Variants in LIN28B observed in about 807,000 individuals in gnomAD.
The protein encoded by LIN28B is protein lin-28 homolog B.
LIN28B carries 5 observed loss-of-function variants against 21.9 expected under a neutral mutation model. The ratio of observed to expected loss-of-function variants is 0.23; its 90% CI spans 0.12 to 0.48. The LOEUF (loss-of-function observed/expected upper bound fraction) is 0.48. Ranked by LOEUF, LIN28B falls within the 20% of genes least tolerant of loss-of-function variation. The pLI, the probability that LIN28B is intolerant of heterozygous loss-of-function variation, is 0.98. For missense variants in LIN28B, 245 were observed against 310.5 expected (o/e 0.79, Z 1.58); for synonymous variants, 109 against 111.3 (o/e 0.98, Z 0.13).
At chr6:104,980,479 A>G (rs978387306) in intron 2 of LIN28B, among the ~76,000 whole-genome samples, 4 of 152,128 alleles carry the variant, frequency 2.6e-5, no homozygotes, top group African/African-American at 9.7e-5. Flanking sequence ...CAACTTTATC[A>G]TCCCAGATTG....
intron 3 of LIN28B, among the ~76,000 whole-genome samples, chr6:105,054,280 T>C (rs1345232782): frequency 6.6e-6 from 1 of 152,238 alleles, no homozygotes; most frequent in African/African-American, 2.4e-5. Flanking sequence ...TTTGTATTTG[T>C]TTTCTGCCAT....
chr6:104,964,557 A>G (rs916307077), intron 2 of LIN28B, among the ~76,000 whole-genome samples: 10 of 151,980 alleles, frequency 6.6e-5, no homozygotes, highest in African/African-American at 2.4e-4. Context: ...CATAGTTACA[A>G]TAGATGGCAT....
chr6:105,037,207 G>T (rs1033894116), intron 3 of LIN28B, among the ~76,000 whole-genome samples: 1 of 151,686 alleles, frequency 6.6e-6, no homozygotes, highest in South Asian at 2.1e-4. Context: ...TTTGTTACTT[G>T]CACTGCTGAA....
chr6:105,023,793 G>C lies in LIN28B; in HGVS notation c.199-2505G>C, dbSNP rs73521928. ...AGCTAGAATTTATTAGTTTGTAAGA[G>C]CTGGAATTTTACTTTAGATTTGGAA... On this transcript the variant is annotated intron_variant, in intron 2 of 3. Coordinates refer to ENST00000345080, the MANE Select transcript of LIN28B (RefSeq NM_001004317.4). Among the ~76,000 whole-genome samples the C allele has an allele frequency of 6.8e-3, 998 of 146,202 alleles. 14 individuals carry two copies. Among genetic ancestry groups the C allele is most frequent in the African/African-American group, 0.024 (958 of 39,428 alleles).
upstream of LIN28B, among the ~76,000 whole-genome samples, chr6:104,955,565 A>G (rs900728780): frequency 1.4e-4 from 22 of 152,146 alleles, no homozygotes; most frequent in African/African-American, 4.8e-4. Context: ...GGGAGTATAA[A>G]TAGGTGTATA....
intron 2 of LIN28B, among the ~76,000 whole-genome samples, chr6:105,014,350 A>G (rs1413551919): frequency 1.3e-5 from 2 of 151,836 alleles, no homozygotes. Flanking sequence ...ACGGAGTTTC[A>G]CTCTTATTGC....
intron 3 of LIN28B, among the ~76,000 whole-genome samples, chr6:105,074,220 CAG>C (rs1326467957): frequency 1.3e-5 from 2 of 151,980 alleles, no homozygotes; most frequent in African/African-American, 4.8e-5. Context: ...TTTTTTGAGA[CAG>C]AGTCTCGCTC....
At chr6:104,960,733 C>T (rs939098025) in intron 2 of LIN28B, among the ~76,000 whole-genome samples, 1 of 151,846 alleles carries the variant, frequency 6.6e-6, no homozygotes, top group African/African-American at 2.4e-5. Context: ...GATACTTTTT[C>T]TCTTAAAAAT....
intron 2 of LIN28B, among the ~76,000 whole-genome samples, chr6:105,017,681 C>A (rs938834110): frequency 2.6e-5 from 4 of 151,466 alleles, no homozygotes; most frequent in Non-Finnish European, 5.9e-5. Flanking sequence ...TAAGTAGGAG[C>A]TAAACATGGG....
At chr6:104,965,178 T>C (rs1294413123) in intron 2 of LIN28B, among the ~76,000 whole-genome samples, 2 of 152,242 alleles carry the variant, frequency 1.3e-5, no homozygotes, top group African/African-American at 4.8e-5. Flanking sequence ...CCATTACAGT[T>C]GATGTTAAGG....
intron 3 of LIN28B, among the ~76,000 whole-genome samples, chr6:105,037,964 T>A (rs896179063): frequency 6.6e-6 from 1 of 152,096 alleles, no homozygotes; most frequent in South Asian, 2.1e-4. Context: ...CCCTACCTTA[T>A]ACCATTTTTA....
chr6:105,010,567 G>A (rs1223879106), intron 2 of LIN28B, among the ~76,000 whole-genome samples: 6 of 151,992 alleles, frequency 3.9e-5, no homozygotes, highest in African/African-American at 1.2e-4. Flanking sequence ...TGCAATTATC[G>A]TTTTTGTATA....
At chr6:104,948,305 A>G (rs1778181421) in intron 2 of LIN28B, among the ~76,000 whole-genome samples, 4 of 152,064 alleles carry the variant, frequency 2.6e-5, no homozygotes, top group Non-Finnish European at 5.9e-5. Flanking sequence ...CATCTCTACT[A>G]AAAATAGAAA....
At chr6:105,078,238 G>T (rs577592822) in intron 3 of LIN28B, among the ~76,000 whole-genome samples, 176 bp from the exon 4 acceptor site, 1 of 152,146 alleles carries the variant, frequency 6.6e-6, no homozygotes, top group East Asian at 1.9e-4. Context: ...GAACATTTTG[G>T]TGATGATAGT....
upstream of LIN28B, among the ~76,000 whole-genome samples, chr6:104,955,431 T>TA (rs1440790236): frequency 6.6e-6 from 1 of 152,208 alleles, no homozygotes; most frequent in East Asian, 1.9e-4. Context: ...AAAAAAATCT[T>TA]TCCAAATTGA....
chr6:104,992,507 TG>T (rs1562084904), intron 2 of LIN28B, among the ~76,000 whole-genome samples: 44 of 112,786 alleles, frequency 3.9e-4, no homozygotes, highest in African/African-American at 1.3e-3. Flanking sequence ...TGTGTGTGTG[TG>T]TGTGTGTTTT....
intron 3 of LIN28B, among the ~76,000 whole-genome samples, chr6:105,035,807 A>G (rs995366806): frequency 8.5e-5 from 13 of 152,228 alleles, no homozygotes; most frequent in African/African-American, 3.1e-4. Context: ...ATGCATTTGT[A>G]TACTTAATTT....
intron 2 of LIN28B, among the ~76,000 whole-genome samples, chr6:104,989,017 A>G (rs572331002): frequency 6.6e-6 from 1 of 152,038 alleles, no homozygotes; most frequent in Non-Finnish European, 1.5e-5. Flanking sequence ...CATACTTTCT[A>G]TATGATCTGC....
At chr6:105,053,716 TG>T (rs2114389845) in intron 3 of LIN28B, among the ~76,000 whole-genome samples, 1 of 108,934 alleles carries the variant, frequency 9.2e-6, no homozygotes, top group South Asian at 3.0e-4. Context: ...TGTGGGTGCG[TG>T]TGTGTGTGTG....
Sources: allele counts gnomAD v4.1 joint callset (sites outside exome capture counted in the v4.1 genomes callset), GRCh38; gene constraint gnomAD v4.1.1; transcripts MANE v1.5; gene names NCBI Gene and HGNC (gene_info 2026-07-23, HGNC 2026-07-21).